The following VMP1 variants were observed in gnomAD, a reference collection of about 807,000 sequenced individuals.
The protein encoded by VMP1 is vacuole membrane protein 1.
In VMP1, 11 loss-of-function variants were observed where a neutral mutation model predicts 56.0. The ratio of observed to expected loss-of-function variants is 0.20; its 90% CI spans 0.12 to 0.32. VMP1 has a LOEUF of 0.32. VMP1 is among the 10% of genes least tolerant of loss of function. The probability of loss-of-function intolerance (pLI) is 1.00; values close to 1 mark genes in which losing one functional copy is unlikely to be tolerated. For missense variants in VMP1, 296 were observed against 490.3 expected, an observed-to-expected ratio of 0.60 and a Z score of 3.74; for synonymous variants, 149 against 165.0, an observed-to-expected ratio of 0.90 and a Z score of 0.74.
rs557449529 is a variant in VMP1, at chr17:59,828,040, A to G, written c.975-10255A>G. Among the ~76,000 whole-genome samples the G allele has an allele frequency of 5.9e-3, 901 of 151,524 alleles. 6 individuals carry two copies. Among genetic ancestry groups the G allele is most frequent in the African/African-American group, 0.021 (851 of 41,346 alleles). ...CAACCTCTTTAAAAAAAAAAAAAAA[A>G]GCTGCCACCAGTCTGTCATTTTCTA... On this transcript the variant is annotated intron_variant, in intron 10 of 11. Transcript: ENST00000262291.
chr17:59,722,290 T>G (rs2034430872), intron 1 of VMP1, among the ~76,000 whole-genome samples: 1 of 152,178 alleles, frequency 6.6e-6, no homozygotes. Flanking sequence ...GGTAAGATGA[T>G]CAAAGCCGTT....
At chr17:59,788,611 C>G (rs1016644489) in intron 7 of VMP1, among the ~76,000 whole-genome samples, 5 of 151,972 alleles carry the variant, frequency 3.3e-5, no homozygotes, top group Non-Finnish European at 7.4e-5. Flanking sequence ...CCAGACCAGC[C>G]TGGCCAATAA....
chr17:59,711,481 T>C (rs946433990), intron 1 of VMP1, among the ~76,000 whole-genome samples: 1 of 152,238 alleles, frequency 6.6e-6, no homozygotes, highest in Non-Finnish European at 1.5e-5. Context: ...GTCGTGGTTT[T>C]GTAAATTGTT....
chr17:59,725,303 A>G (rs561617749), intron 1 of VMP1, among the ~76,000 whole-genome samples: 142 of 152,330 alleles, frequency 9.3e-4, no homozygotes, highest in African/African-American at 3.2e-3. Flanking sequence ...AATGCAGATG[A>G]TTCTGGAGGC....
At chr17:59,731,357 A>C in intron 1 of VMP1, 64 bp from the exon 2 acceptor site, 2 of 948,574 alleles carry the variant, frequency 2.1e-6, no homozygotes, top group Non-Finnish European at 1.6e-6. Flanking sequence ...ATTCAGTTTT[A>C]TTCAGTCACA....
chr17:59,794,216 G>A (rs981550216), intron 7 of VMP1, among the ~76,000 whole-genome samples: 3 of 93,202 alleles, frequency 3.2e-5, no homozygotes, highest in South Asian at 7.1e-4. Flanking sequence ...CACCGCACCC[G>A]GCCTTTTTTT....
intron 7 of VMP1, among the ~76,000 whole-genome samples, chr17:59,774,895 T>C (rs1438029311): frequency 1.3e-5 from 2 of 152,076 alleles, no homozygotes; most frequent in Non-Finnish European, 1.5e-5. Context: ...ACCTAGGAGT[T>C]TGAGATCAGC....
chr17:59,790,201 C>A lies in VMP1; in HGVS notation c.714+16316C>A, dbSNP rs376277085. Among the ~76,000 whole-genome samples, 11 of 152,242 alleles carry A rather than the reference C, an allele frequency of 7.2e-5. No homozygotes were observed. In the East Asian group the frequency reaches 2.1e-3, roughly 29 times the overall value. On this transcript the variant is annotated intron_variant, in intron 7 of 11. Coordinates refer to ENST00000262291, the MANE Select transcript of VMP1 (RefSeq NM_030938.5). ...AGATTTCTCTCAATAGAGTCTCCTT[C>A]CCATTTTTGCTATCTCAGGTCTTAC...
At chr17:59,813,364 G>A (rs1322660375) in intron 9 of VMP1, among the ~76,000 whole-genome samples, 1 of 152,076 alleles carries the variant, frequency 6.6e-6, no homozygotes, top group African/African-American at 2.4e-5. Context: ...GATCACCTGA[G>A]GTCGGAAGTT....
chr17:59,761,970 A>G (rs934171274), intron 5 of VMP1, among the ~76,000 whole-genome samples: 7 of 152,114 alleles, frequency 4.6e-5, no homozygotes, highest in African/African-American at 1.7e-4. Context: ...TCTTTTGACC[A>G]TGGAATTTTT....
chr17:59,834,288 A>T (rs1420313052), intron 10 of VMP1, among the ~76,000 whole-genome samples: 3 of 148,562 alleles, frequency 2.0e-5, no homozygotes. Context: ...TTTGAGATGG[A>T]GTCTCACTCT....
At chr17:59,768,010 T>C (rs1159696368) in intron 6 of VMP1, among the ~76,000 whole-genome samples, 1 of 151,784 alleles carries the variant, frequency 6.6e-6, no homozygotes, top group African/African-American at 2.4e-5. Context: ...CTTGGGAGGC[T>C]GAGGTAGGAG....
rs1468697114 is a variant in VMP1 at position 59,841,185 on chromosome 17, GTTTTTGTTTTTT to G, written c.*1276_*1287del. 4.9e-6 allele frequency: 2 copies of G among 410,722 alleles called. No homozygotes were observed. Among genetic ancestry groups the G allele is most frequent in the Non-Finnish European group, 1.1e-5 (2 of 184,960 alleles). The allele number at this position is 410,722 out of a possible 1,614,324, so 25.4% of individuals were successfully genotyped here. ...GCCTGGGTTTTTTTGGTTTGTTTTT[GTTTTTGTTTTTT>G]TATCAAATCCTGCCTGACTGTCTGC... On this transcript the variant is annotated 3_prime_UTR_variant, in exon 12 of 12. Coordinates refer to ENST00000262291, the MANE Select transcript of VMP1 (RefSeq NM_030938.5).
intron 7 of VMP1, among the ~76,000 whole-genome samples, chr17:59,798,309 T>G (rs2037517074): frequency 6.6e-6 from 1 of 152,360 alleles, no homozygotes; most frequent in Middle Eastern, 3.4e-3. Flanking sequence ...CAGTGGATTA[T>G]GTATTTCCTG....
intron 6 of VMP1, among the ~76,000 whole-genome samples, chr17:59,765,385 G>A (rs762794605): frequency 1.3e-5 from 2 of 152,178 alleles, no homozygotes; most frequent in Non-Finnish European, 2.9e-5. Context: ...GCAGGGCAAG[G>A]GAGTACAGAT....
intron 7 of VMP1, among the ~76,000 whole-genome samples, chr17:59,794,091 T>C (rs1388048669): frequency 1.3e-5 from 2 of 150,716 alleles, no homozygotes. Context: ...TGGCTAATTT[T>C]TTGTATTTTT....
intron 1 of VMP1, among the ~76,000 whole-genome samples, chr17:59,725,838 G>A (rs911599728): frequency 3.3e-5 from 5 of 152,124 alleles, no homozygotes; most frequent in South Asian, 2.1e-4. Flanking sequence ...TTTTTAGCAC[G>A]TTGTGTAAGA....
chr17:59,747,152 AG>A (rs1157008673), intron 5 of VMP1, among the ~76,000 whole-genome samples: 1 of 152,250 alleles, frequency 6.6e-6, no homozygotes, highest in African/African-American at 2.4e-5. Context: ...CTAAGCCAGG[AG>A]ACATATTCTG....
chr17:59,772,566 C>T (rs905162087), intron 6 of VMP1, among the ~76,000 whole-genome samples: 1 of 151,382 alleles, frequency 6.6e-6, no homozygotes, highest in Admixed American at 6.6e-5. Flanking sequence ...GTCAGGAGTT[C>T]GAGACCAGCC....
Sources: allele counts gnomAD v4.1 joint callset (sites outside exome capture counted in the v4.1 genomes callset), GRCh38; gene constraint gnomAD v4.1.1; transcripts MANE v1.5; gene names NCBI Gene and HGNC (gene_info 2026-07-23, HGNC 2026-07-21).